The following SORCS3 variants were observed in gnomAD, a reference collection of about 807,000 sequenced individuals.
SORCS3 encodes the protein VPS10 domain-containing receptor SorCS3.
Under a neutral mutation model 146.3 loss-of-function variants are expected in SORCS3, and 57 were observed. That is an observed-to-expected ratio of 0.39 (90% CI 0.31 to 0.49). The LOEUF (loss-of-function observed/expected upper bound fraction) is 0.49. SORCS3 is among the 20% of genes least tolerant of loss of function. The pLI is 0.92. For missense variants in SORCS3, 1,341 were observed against 1,575.5 expected (o/e 0.85, Z 2.52); for synonymous variants, 653 against 618.5 (o/e 1.06, Z -0.83).
At chr10:105,205,860 G>C (rs2056599212) in intron 16 of SORCS3, among the ~76,000 whole-genome samples, 1 of 152,118 alleles carries the variant, frequency 6.6e-6, no homozygotes, top group African/African-American at 2.4e-5. Flanking sequence ...TAAAGGAATG[G>C]AACACAGAGA....
intron 1 of SORCS3, among the ~76,000 whole-genome samples, chr10:104,748,878 A>C (rs1303348595): frequency 6.6e-6 from 1 of 152,070 alleles, no homozygotes; most frequent in Non-Finnish European, 1.5e-5. Context: ...AATTCTTTAG[A>C]TTCTCCTTCC....
chr10:104,830,834 C>G (rs2017992591), intron 1 of SORCS3, among the ~76,000 whole-genome samples: 1 of 152,010 alleles, frequency 6.6e-6, no homozygotes, highest in Non-Finnish European at 1.5e-5. Flanking sequence ...TCTTTTGAGG[C>G]AAGGTCTTTC....
At chr10:105,070,151 C>T (rs1037592762) in intron 5 of SORCS3, among the ~76,000 whole-genome samples, 5 of 152,186 alleles carry the variant, frequency 3.3e-5, no homozygotes, top group African/African-American at 7.2e-5. Flanking sequence ...GATTGATTCC[C>T]GAGTTCTGCT....
At chr10:104,643,105 T>A (rs1394772802) in intron 1 of SORCS3, among the ~76,000 whole-genome samples, 4 of 152,250 alleles carry the variant, frequency 2.6e-5, no homozygotes, top group African/African-American at 9.6e-5. Flanking sequence ...TCTGGCTCCA[T>A]GGTTCAGATC....
At chr10:104,982,540 T>A (rs2054936890) in intron 4 of SORCS3, among the ~76,000 whole-genome samples, 1 of 152,098 alleles carries the variant, frequency 6.6e-6, no homozygotes, top group Non-Finnish European at 1.5e-5. Flanking sequence ...GGAATATGAG[T>A]GGGACTGAAG....
intron 8 of SORCS3, among the ~76,000 whole-genome samples, chr10:105,143,173 A>G (rs911063109): frequency 1.3e-5 from 2 of 152,120 alleles, no homozygotes; most frequent in African/African-American, 4.8e-5. Flanking sequence ...CTACATCTTT[A>G]TTGCTTTTCA....
intron 14 of SORCS3, among the ~76,000 whole-genome samples, chr10:105,182,397 G>A (rs1286036940): frequency 6.6e-6 from 1 of 151,968 alleles, no homozygotes; most frequent in Non-Finnish European, 1.5e-5. Flanking sequence ...GGCAAAATAA[G>A]AGCAAGGAAT....
chr10:105,244,828 G>A (rs1316191008), intron 20 of SORCS3, among the ~76,000 whole-genome samples: 1 of 152,004 alleles, frequency 6.6e-6, no homozygotes, highest in Non-Finnish European at 1.5e-5. Flanking sequence ...TAGCACTTTG[G>A]GAGACTGAGG....
intron 2 of SORCS3, among the ~76,000 whole-genome samples, chr10:104,912,514 G>T (rs1443471452): frequency 6.6e-6 from 1 of 152,174 alleles, no homozygotes; most frequent in African/African-American, 2.4e-5. Flanking sequence ...CTGCACTGTT[G>T]TGCTAGCATC....
intron 1 of SORCS3, among the ~76,000 whole-genome samples, chr10:104,698,216 T>C (rs900124919): frequency 2.6e-5 from 4 of 152,292 alleles, no homozygotes; most frequent in African/African-American, 9.6e-5. Flanking sequence ...AGCCCCATTT[T>C]ACAGATGTGG....
At chr10:104,683,717 C>T (rs959586212) in intron 1 of SORCS3, among the ~76,000 whole-genome samples, 11 of 152,144 alleles carry the variant, frequency 7.2e-5, no homozygotes, top group African/African-American at 2.2e-4. Context: ...GACAGGCTCG[C>T]CAGTTGGCTC....
At chr10:104,884,904 A>G (rs2018667143) in intron 2 of SORCS3, among the ~76,000 whole-genome samples, 1 of 151,478 alleles carries the variant, frequency 6.6e-6, no homozygotes, top group South Asian at 2.1e-4. Context: ...GTGGACCTGG[A>G]CTAGTTATTC....
At chr10:104,998,956 G>A (rs555559910) in intron 4 of SORCS3, among the ~76,000 whole-genome samples, 5 of 152,158 alleles carry the variant, frequency 3.3e-5, no homozygotes, top group African/African-American at 1.2e-4. Flanking sequence ...TGTCTTTATC[G>A]TGGAAGTATA....
At chr10:104,761,335 C>T (rs1470481767) in intron 1 of SORCS3, among the ~76,000 whole-genome samples, 2 of 152,052 alleles carry the variant, frequency 1.3e-5, no homozygotes, top group African/African-American at 4.8e-5. Flanking sequence ...TATTTTCTTG[C>T]CTCTTCTCGC....
intron 2 of SORCS3, among the ~76,000 whole-genome samples, chr10:104,855,461 G>A (rs1008187498): frequency 6.6e-6 from 1 of 152,102 alleles, no homozygotes; most frequent in African/African-American, 2.4e-5. Context: ...GAACATGGTG[G>A]TACATCTTTT....
At chr10:104,861,192 A>G (rs550375675) in intron 2 of SORCS3, among the ~76,000 whole-genome samples, 3 of 152,282 alleles carry the variant, frequency 2.0e-5, no homozygotes, top group Admixed American at 1.3e-4. Context: ...CCTGTTCTGT[A>G]CCTGTCGTAC....
intron 19 of SORCS3, 21 bp from the exon 20 acceptor site, chr10:105,223,094 CT>C (rs201706897): frequency 8.4e-5 from 133 of 1,574,408 alleles, no homozygotes; most frequent in South Asian, 1.7e-4. Context: ...TAAACACTGA[CT>C]TTTTTTTTCT....
chr10:105,005,301 T>C (rs1391740089), intron 4 of SORCS3, among the ~76,000 whole-genome samples: 2 of 152,220 alleles, frequency 1.3e-5, no homozygotes, highest in Admixed American at 6.5e-5. Flanking sequence ...ATATTCACTG[T>C]ATATACATAG....
intron 2 of SORCS3, among the ~76,000 whole-genome samples, chr10:104,894,012 C>T (rs753405123): frequency 4.6e-5 from 7 of 152,164 alleles, no homozygotes; most frequent in Non-Finnish European, 4.4e-5. Context: ...CCTGGCTTGC[C>T]CAGGCCTTTC....
Sources: allele counts gnomAD v4.1 joint callset (sites outside exome capture counted in the v4.1 genomes callset), GRCh38; gene constraint gnomAD v4.1.1; transcripts MANE v1.5; gene names NCBI Gene and HGNC (gene_info 2026-07-23, HGNC 2026-07-21).